Variants in CACNA2D3 observed in about 807,000 individuals in gnomAD.
CACNA2D3 encodes the protein voltage-dependent calcium channel subunit alpha-2/delta-3.
Under a neutral mutation model 160.6 loss-of-function variants are expected in CACNA2D3, and 60 were observed. The ratio of observed to expected loss-of-function variants is 0.37; its 90% CI spans 0.30 to 0.46. CACNA2D3 has a LOEUF of 0.46. CACNA2D3 is among the 20% of genes least tolerant of loss of function. The pLI, the probability that CACNA2D3 is intolerant of heterozygous loss-of-function variation, is 1.00. For synonymous variants in CACNA2D3, 558 were observed against 492.9 expected, an observed-to-expected ratio of 1.13 and a Z score of -1.75; for missense variants, 1,205 against 1,365.0, an observed-to-expected ratio of 0.88 and a Z score of 1.85.
intron 4 of CACNA2D3, among the ~76,000 whole-genome samples, chr3:54,444,577 T>C (rs1700192088): frequency 1.3e-5 from 2 of 152,236 alleles, no homozygotes; most frequent in Non-Finnish European, 2.9e-5. Flanking sequence ...CATGGATGGC[T>C]ACCTCCTGAT....
chr3:54,714,909 A>T (rs1283948155), intron 11 of CACNA2D3, among the ~76,000 whole-genome samples: 1 of 152,166 alleles, frequency 6.6e-6, no homozygotes, highest in South Asian at 2.1e-4. Context: ...CTCTTATAAT[A>T]CTTTTACAAC....
In CACNA2D3 at chr3:54,248,516, A is replaced by G. The variant is rs1702126194; in HGVS notation, c.205-71926A>G. Among the ~76,000 whole-genome samples the G allele has an allele frequency of 3.3e-5, 5 of 152,020 alleles. 1 individual carries two copies. In the South Asian group the frequency reaches 1.0e-3, roughly 32 times the overall value. ...AAAAAAAGAAAAAGAAAAAGAAAAA[A>G]AAAGGTGGGGCCCTAATCCTAATCC... On this transcript the variant is annotated intron_variant, in intron 2 of 37. Coordinates refer to ENST00000474759, the MANE Select transcript of CACNA2D3 (RefSeq NM_018398.3).
chr3:54,379,008 G>A (rs1472375240), intron 3 of CACNA2D3, among the ~76,000 whole-genome samples: 1 of 152,188 alleles, frequency 6.6e-6, no homozygotes, highest in Non-Finnish European at 1.5e-5. Flanking sequence ...TTGTGATCAT[G>A]TCTTCTGATG....
At chr3:54,453,434 A>G (rs574304911) in intron 4 of CACNA2D3, among the ~76,000 whole-genome samples, 2 of 152,298 alleles carry the variant, frequency 1.3e-5, no homozygotes, top group South Asian at 2.1e-4. Context: ...TAGGACTTCA[A>G]CATATCTTTT....
chr3:54,199,334 G>T (rs1021090071), intron 2 of CACNA2D3, among the ~76,000 whole-genome samples: 1 of 151,974 alleles, frequency 6.6e-6, no homozygotes, highest in African/African-American at 2.4e-5. Flanking sequence ...CTCTCTAAAA[G>T]AGGACTCTTT....
intron 5 of CACNA2D3, among the ~76,000 whole-genome samples, chr3:54,549,445 CAAAAACAAA>C (rs971991720): frequency 1.4e-4 from 21 of 151,956 alleles, no homozygotes; most frequent in African/African-American, 5.1e-4. Context: ...GACTCCGTCT[CAAAAACAAA>C]AAAAACAACA....
chr3:54,589,445 G>T (rs1702820898), intron 9 of CACNA2D3, among the ~76,000 whole-genome samples: 1 of 151,576 alleles, frequency 6.6e-6, no homozygotes, highest in Non-Finnish European at 1.5e-5. Context: ...AAAAAAAATA[G>T]ATGTGGGGAG....
At chr3:54,212,227 C>T (rs540800654) in intron 2 of CACNA2D3, among the ~76,000 whole-genome samples, 1 of 152,290 alleles carries the variant, frequency 6.6e-6, no homozygotes, top group Admixed American at 6.5e-5. Flanking sequence ...GGTCGGGGTA[C>T]AGCTTGCTTT....
chr3:54,873,899 A>G (rs974360055), intron 18 of CACNA2D3, among the ~76,000 whole-genome samples: 1 of 152,238 alleles, frequency 6.6e-6, no homozygotes. Context: ...AGAAAGCATC[A>G]TTGTGAAGTC....
intron 11 of CACNA2D3, among the ~76,000 whole-genome samples, chr3:54,694,397 AT>A (rs899768712): frequency 6.6e-6 from 1 of 152,200 alleles, no homozygotes; most frequent in South Asian, 2.1e-4. Flanking sequence ...GTAATAACAC[AT>A]TTTTTTAGAA....
At chr3:55,059,443 G>A (rs1162355182) in intron 35 of CACNA2D3, among the ~76,000 whole-genome samples, 1 of 152,218 alleles carries the variant, frequency 6.6e-6, no homozygotes, top group East Asian at 1.9e-4. Context: ...TGCAACAGGG[G>A]TGTGGCTTGT....
intron 13 of CACNA2D3, among the ~76,000 whole-genome samples, chr3:54,816,172 A>G (rs151033438): frequency 5.3e-5 from 8 of 152,326 alleles, no homozygotes; most frequent in African/African-American, 1.4e-4. Flanking sequence ...TTTACTTTAA[A>G]TGCACAAATC....
chr3:54,743,394 G>A (rs965306728), intron 11 of CACNA2D3, among the ~76,000 whole-genome samples: 2 of 152,198 alleles, frequency 1.3e-5, no homozygotes, highest in African/African-American at 4.8e-5. Flanking sequence ...AGTGGGAGAG[G>A]TGGACTGAAA....
At chr3:54,550,460 G>A (rs1447464168) in intron 5 of CACNA2D3, among the ~76,000 whole-genome samples, 2 of 152,210 alleles carry the variant, frequency 1.3e-5, no homozygotes, top group Non-Finnish European at 2.9e-5. Flanking sequence ...ACCCCCTGGA[G>A]GTTTCACACC....
In CACNA2D3 at chr3:54,123,598, A is replaced by C. The variant is rs1022594645; in HGVS notation, c.204+4A>C. Reference sequence around the variant, plus strand: ...CGGTTCCCAGCTTCTGCAAAAGGTAAGGTTTCTGTGGTGGCAGGAAGCGAT... The same window carrying C: ...CGGTTCCCAGCTTCTGCAAAAGGTACGGTTTCTGTGGTGGCAGGAAGCGAT... On this transcript the variant is annotated splice_donor_region_variant and intron_variant, in intron 2 of 37. Transcript: ENST00000474759. The C allele has an allele frequency of 9.3e-6, 15 of 1,612,296 alleles. No homozygotes were observed. Among genetic ancestry groups the C allele is most frequent in the Non-Finnish European group, 1.3e-5 (15 of 1,178,412 alleles).
chr3:54,213,146 A>G (rs1194415241), intron 2 of CACNA2D3, among the ~76,000 whole-genome samples: 1 of 152,188 alleles, frequency 6.6e-6, no homozygotes, highest in Non-Finnish European at 1.5e-5. Context: ...TAATGAATGC[A>G]TCCACAAATG....
In CACNA2D3 at chr3:55,021,852, C is replaced by T. The variant is rs114337671; in HGVS notation, c.2987+3535C>T. On this transcript the variant is annotated intron_variant, in intron 35 of 37. Coordinates refer to ENST00000474759, the MANE Select transcript of CACNA2D3 (RefSeq NM_018398.3). ...GGAGTTGAGGCCATCCTTTTTATTA[C>T]TGAAGCCTAATTAAATGGCCTTGTG... Among the ~76,000 whole-genome samples, 1,266 of 151,740 alleles carry T rather than the reference C, an allele frequency of 8.3e-3. 21 individuals carry two copies. Among genetic ancestry groups the T allele is most frequent in the African/African-American group, 0.029 (1,191 of 41,392 alleles).
At chr3:54,895,328 T>G (rs1309463698) in intron 25 of CACNA2D3, among the ~76,000 whole-genome samples, 1 of 152,146 alleles carries the variant, frequency 6.6e-6, no homozygotes, top group Non-Finnish European at 1.5e-5. Context: ...CTGGAAATAT[T>G]GGGAGGAGGA....
At chr3:54,965,186 G>C (rs957521061) in intron 27 of CACNA2D3, among the ~76,000 whole-genome samples, 2 of 152,160 alleles carry the variant, frequency 1.3e-5, no homozygotes, top group Non-Finnish European at 1.5e-5. Flanking sequence ...TGTGCTGCAA[G>C]AAAACTTTAT....
Sources: allele counts gnomAD v4.1 joint callset (sites outside exome capture counted in the v4.1 genomes callset), GRCh38; gene constraint gnomAD v4.1.1; transcripts MANE v1.5; gene names NCBI Gene and HGNC (gene_info 2026-07-23, HGNC 2026-07-21).